The following TTC7B variants were observed in gnomAD, a reference collection of about 807,000 sequenced individuals.
TTC7B encodes tetratricopeptide repeat domain 7B.
A neutral mutation model predicts 106.8 loss-of-function variants in TTC7B; 28 were observed. The ratio of observed to expected loss-of-function variants is 0.26; its 90% CI spans 0.19 to 0.36. TTC7B has a LOEUF of 0.36. Ranked by LOEUF, TTC7B falls within the 10% of genes least tolerant of loss-of-function variation. The pLI, the probability that TTC7B is intolerant of heterozygous loss-of-function variation, is 1.00. For missense variants in TTC7B, 862 were observed against 1,076.4 expected (o/e 0.80, Z 2.79); for synonymous variants, 405 against 430.6 (o/e 0.94, Z 0.74).
rs1468897225 is a variant in TTC7B, at chr14:90,663,711, T to TCCCCTAAC, written c.1153-5332_1153-5325dup. ...TTTCTCATAATGATAACAACCCACC[T>TCCCCTAAC]CCCCTAACAAGCCATGAGGGTGTCC... On this transcript the variant is annotated intron_variant, in intron 9 of 19. Coordinates refer to ENST00000328459, the MANE Select transcript of TTC7B (RefSeq NM_001010854.2). The surrounding 1 kb of genome is among the most constrained non-coding windows in gnomAD (Gnocchi z 4.5). 6.6e-6 allele frequency among the ~76,000 whole-genome samples: 1 copy of TCCCCTAAC among 151,896 alleles called. No homozygotes were observed. Among genetic ancestry groups the TCCCCTAAC allele is most frequent in the Non-Finnish European group, 1.5e-5 (1 of 67,998 alleles).
intron 9 of TTC7B, among the ~76,000 whole-genome samples, chr14:90,662,017 G>A (rs924158661): frequency 2.0e-5 from 3 of 152,254 alleles, no homozygotes; most frequent in African/African-American, 7.2e-5. Flanking sequence ...CTCATCAGGA[G>A]TAGAATCACG....
intron 5 of TTC7B, among the ~76,000 whole-genome samples, chr14:90,706,210 C>G (rs1888204438): frequency 6.9e-6 from 1 of 145,368 alleles, no homozygotes; most frequent in Non-Finnish European, 1.5e-5. Context: ...GTTGCCCAGG[C>G]TGGGTGCAGT....
chr14:90,737,129 A>G (rs1889565592), intron 4 of TTC7B, among the ~76,000 whole-genome samples: 1 of 152,188 alleles, frequency 6.6e-6, no homozygotes, highest in Non-Finnish European at 1.5e-5. Context: ...AGCAAATATG[A>G]TAAAGAGTTA....
chr14:90,639,901 T>G (rs757655230), intron 15 of TTC7B, among the ~76,000 whole-genome samples: 5 of 152,176 alleles, frequency 3.3e-5, no homozygotes, highest in Non-Finnish European at 7.4e-5. Flanking sequence ...TGTTAAGCAA[T>G]GAACGCAAGC....
chr14:90,687,885 G>C (rs1261953979), intron 7 of TTC7B, among the ~76,000 whole-genome samples: 1 of 152,212 alleles, frequency 6.6e-6, no homozygotes, highest in Non-Finnish European at 1.5e-5. Flanking sequence ...GAACAAGAAG[G>C]TGACAAGAGA....
In TTC7B at chr14:90,780,845, T is replaced by G. The variant is rs766862834; in HGVS notation, c.338A>C (p.Tyr113Ser). 1.9e-6 allele frequency: 3 copies of G among 1,614,248 alleles called. No individual in the cohort carries two copies. In the East Asian group the frequency reaches 6.7e-5, roughly 36 times the overall value. Residue 113 changes from tyrosine (Y) to serine (S), a missense_variant, in exon 3 of 20, where the codon TAT becomes TCT. By Grantham distance (144) the Tyr-to-Ser change is moderately radical. Coordinates refer to ENST00000328459, the MANE Select transcript of TTC7B (RefSeq NM_001010854.2). ...GGCGTAAATGTTCAGAGCTTCTTTA[T>G]AATCACCTTCCACATAATTCAACTT... ...MAKLNYVEGDYKEALNIYARV... is the reference protein window; with the variant it reads ...MAKLNYVEGDSKEALNIYARV...
chr14:90,639,335 T>C (rs1237790928), intron 15 of TTC7B, among the ~76,000 whole-genome samples: 1 of 151,794 alleles, frequency 6.6e-6, no homozygotes, highest in African/African-American at 2.4e-5. Flanking sequence ...CCAAAATACA[T>C]AAAGAAATAT....
chr14:90,571,338 G>A (rs1187324323), intron 19 of TTC7B, among the ~76,000 whole-genome samples: 1 of 152,162 alleles, frequency 6.6e-6, no homozygotes, highest in African/African-American at 2.4e-5. Context: ...TCCAGTAGGA[G>A]GCATCCAGTA....
intron 19 of TTC7B, chr14:90,569,861 C>T (rs1261513554): frequency 6.6e-6 from 1 of 152,320 alleles, no homozygotes; most frequent in Admixed American, 6.5e-5. Flanking sequence ...GCCAGGGACA[C>T]ACATGTGGCC....
Position 90,541,272 on chromosome 14 carries a change from T to A in TTC7B, c.*96A>T, listed in dbSNP as rs1160856977. The A allele has an allele frequency of 8.5e-7, 1 of 1,170,972 alleles. No individual in the cohort carries two copies. The highest frequency in any genetic ancestry group is 1.2e-6 in the Non-Finnish European group (1 of 842,232). The allele number at this position is 1,170,972 out of a possible 1,614,324, so 72.5% of individuals were successfully genotyped here. On this transcript the variant is annotated 3_prime_UTR_variant, in exon 20 of 20. Transcript: ENST00000328459. Reference sequence around the variant, plus strand: ...ACTGAACACTCGTCCCTGGCCTCAGTGTGGCAGATTCATCCCCTTGGGGCG... The same window carrying A: ...ACTGAACACTCGTCCCTGGCCTCAGAGTGGCAGATTCATCCCCTTGGGGCG...
At chr14:90,679,428 G>A (rs1050164405) in intron 8 of TTC7B, among the ~76,000 whole-genome samples, 1 of 152,048 alleles carries the variant, frequency 6.6e-6, no homozygotes, top group African/African-American at 2.4e-5. Context: ...AGTATGTGTG[G>A]GGAGGGCAAA....
intron 19 of TTC7B, among the ~76,000 whole-genome samples, chr14:90,550,726 C>A (rs1392107944): frequency 2.0e-5 from 3 of 152,166 alleles, no homozygotes; most frequent in Admixed American, 2.0e-4. Context: ...TCTTTAACAG[C>A]AAGGACCACC....
chr14:90,703,147 C>T (rs1168918328), intron 5 of TTC7B, among the ~76,000 whole-genome samples: 5 of 152,158 alleles, frequency 3.3e-5, no homozygotes, highest in South Asian at 2.1e-4. Context: ...GCGGGGTCCC[C>T]GTCAGCCTGC....
chr14:90,741,978 T>A (rs1202876176), intron 4 of TTC7B, among the ~76,000 whole-genome samples: 1 of 152,176 alleles, frequency 6.6e-6, no homozygotes, highest in Non-Finnish European at 1.5e-5. Flanking sequence ...AATTTGAAAA[T>A]CGTGTACCTA....
At chr14:90,602,075 G>T (rs1444016862) in intron 17 of TTC7B, 1 of 454,848 alleles carries the variant, frequency 2.2e-6, no homozygotes, top group Non-Finnish European at 4.4e-6. Flanking sequence ...GATTTCAGAG[G>T]GTGGAATCAA....
chr14:90,610,334 G>A (rs1892820452), intron 17 of TTC7B, among the ~76,000 whole-genome samples: 1 of 152,228 alleles, frequency 6.6e-6, no homozygotes, highest in Admixed American at 6.5e-5. Flanking sequence ...CACCCTACGG[G>A]GTCTTGTGCT....
At chr14:90,658,457 T>C (rs1886044331) in intron 9 of TTC7B, 70 bp from the exon 10 acceptor site, 7 of 1,388,692 alleles carry the variant, frequency 5.0e-6, no homozygotes, top group African/African-American at 1.4e-5. Context: ...AAGTGTGAGT[T>C]TGTATCTATG....
At chr14:90,736,111 A>C (rs1317334231) in intron 4 of TTC7B, among the ~76,000 whole-genome samples, 1 of 152,086 alleles carries the variant, frequency 6.6e-6, no homozygotes, top group East Asian at 1.9e-4. Context: ...TGAAATTTGG[A>C]AATTTGGGAA....
intron 18 of TTC7B, among the ~76,000 whole-genome samples, chr14:90,588,647 A>C (rs1406201709): frequency 6.6e-6 from 1 of 152,228 alleles, no homozygotes; most frequent in Non-Finnish European, 1.5e-5. Context: ...GTGAGACTGC[A>C]AAGGTGCTCA....
Sources: allele counts gnomAD v4.1 joint callset (sites outside exome capture counted in the v4.1 genomes callset), GRCh38; gene constraint gnomAD v4.1.1; non-coding constraint Gnocchi (gnomAD v3.1); transcripts MANE v1.5; gene names NCBI Gene and HGNC (gene_info 2026-07-23, HGNC 2026-07-21).